Variants in DCLK1 observed in about 807,000 individuals in gnomAD.
DCLK1 encodes the protein serine/threonine-protein kinase DCLK1.
DCLK1 carries 16 observed loss-of-function variants against 86.2 expected under a neutral mutation model. That is an observed-to-expected ratio of 0.19 (90% confidence interval 0.13 to 0.28). The LOEUF (loss-of-function observed/expected upper bound fraction) is 0.28. DCLK1 is among the 10% of genes least tolerant of loss of function. The pLI is 1.00. For missense variants in DCLK1, 590 were observed against 940.2 expected (o/e 0.63, Z 4.87); for synonymous variants, 369 against 370.5 (o/e 1.00, Z 0.05).
chr13:35,808,485 T>TA, intron 13 of DCLK1, 165 bp from the exon 14 acceptor site: 1 of 695,034 alleles, frequency 1.4e-6, no homozygotes, highest in East Asian at 2.7e-5. Context: ...TTTGGTAAAT[T>TA]AAGAAAGAGT....
intron 2 of DCLK1, among the ~76,000 whole-genome samples, chr13:36,114,726 C>A (rs1885722565): frequency 6.6e-6 from 1 of 152,180 alleles, no homozygotes; most frequent in South Asian, 2.1e-4. Flanking sequence ...CGCCTTAATG[C>A]AGTTAAATTA....
At chr13:35,959,979 G>C (rs1201856918) in intron 3 of DCLK1, among the ~76,000 whole-genome samples, 1 of 152,006 alleles carries the variant, frequency 6.6e-6, no homozygotes, top group Non-Finnish European at 1.5e-5. Context: ...GGTTGTGTTA[G>C]TCAACAGATT....
At chr13:35,958,431 A>G (rs1878263956) in intron 3 of DCLK1, among the ~76,000 whole-genome samples, 1 of 141,788 alleles carries the variant, frequency 7.1e-6, no homozygotes, top group Admixed American at 7.2e-5. Context: ...CATCATCACT[A>G]TAACAACACC....
At chr13:35,928,037 A>G (rs1017500491) in intron 4 of DCLK1, among the ~76,000 whole-genome samples, 1 of 152,140 alleles carries the variant, frequency 6.6e-6, no homozygotes, top group Non-Finnish European at 1.5e-5. Flanking sequence ...GGCTAGCCCT[A>G]GTCTGTAGGC....
chr13:35,985,124 G>C (rs914776823), intron 3 of DCLK1, among the ~76,000 whole-genome samples: 9 of 152,156 alleles, frequency 5.9e-5, no homozygotes, highest in Admixed American at 2.6e-4. Context: ...ACAGCAATTA[G>C]GGAAATCTGG....
chr13:35,928,067 C>A (rs1264846125), intron 4 of DCLK1, among the ~76,000 whole-genome samples: 1 of 152,194 alleles, frequency 6.6e-6, no homozygotes, highest in African/African-American at 2.4e-5. Context: ...AAACTGTAAT[C>A]ATAAAGATAG....
chr13:36,114,186 A>C (rs1885703005), intron 2 of DCLK1, among the ~76,000 whole-genome samples: 1 of 152,242 alleles, frequency 6.6e-6, no homozygotes, highest in Non-Finnish European at 1.5e-5. Flanking sequence ...GAGTTTGTTA[A>C]AAGAGAAAAT....
chr13:36,117,208 G>A (rs1302531323), intron 2 of DCLK1, among the ~76,000 whole-genome samples: 1 of 151,908 alleles, frequency 6.6e-6, no homozygotes, highest in Non-Finnish European at 1.5e-5. Context: ...TTGAAAAGTA[G>A]AGACTCTTTT....
At chr13:36,054,016 T>C (rs1883213535) in intron 3 of DCLK1, among the ~76,000 whole-genome samples, 1 of 152,222 alleles carries the variant, frequency 6.6e-6, no homozygotes, top group Non-Finnish European at 1.5e-5. Flanking sequence ...CAATTCTCCA[T>C]GACACTTCTA....
chr13:35,911,323 A>G (rs1313835592), intron 4 of DCLK1, among the ~76,000 whole-genome samples: 1 of 150,944 alleles, frequency 6.6e-6, no homozygotes, highest in East Asian at 1.9e-4. Context: ...GTTAAATTTT[A>G]CCACCAACAA....
intron 4 of DCLK1, among the ~76,000 whole-genome samples, chr13:35,873,926 G>A (rs1273618059): frequency 1.3e-5 from 2 of 152,120 alleles, no homozygotes; most frequent in Admixed American, 1.3e-4. Flanking sequence ...TGGTTTGTAA[G>A]AGTGCATTCT....
At position 35,855,666 on chromosome 13, in the gene DCLK1, A is replaced by T. The variant is rs990998645; in HGVS notation, c.941-1073T>A. On this transcript the variant is annotated intron_variant, in intron 5 of 16. Transcript: ENST00000360631. ...CTGCTCCCAGAGCAGGCTGAATGAG[A>T]TGCAGGATTCATCAGCAGATGCCTT... 3 of 1,418,986 alleles carry T rather than the reference A, an allele frequency of 2.1e-6. No homozygotes were observed. In the African/African-American group the frequency reaches 4.2e-5, roughly 20 times the overall value. 87.9% of individuals were successfully genotyped at this position (1,418,986 alleles called of 1,614,324 possible).
intron 3 of DCLK1, among the ~76,000 whole-genome samples, chr13:35,969,939 C>G (rs1593779352): frequency 1.3e-5 from 2 of 152,116 alleles, no homozygotes; most frequent in South Asian, 4.1e-4. Flanking sequence ...AAGATACTAC[C>G]TGTGATCCAG....
At chr13:35,978,588 C>T (rs1348630994) in intron 3 of DCLK1, among the ~76,000 whole-genome samples, 2 of 152,036 alleles carry the variant, frequency 1.3e-5, no homozygotes, top group African/African-American at 4.8e-5. Context: ...TACTAGATTA[C>T]AATTAAGAGA....
intron 4 of DCLK1, among the ~76,000 whole-genome samples, chr13:35,907,000 A>T (rs1874723304): frequency 6.6e-6 from 1 of 152,114 alleles, no homozygotes; most frequent in Non-Finnish European, 1.5e-5. Context: ...AACCTTAAAA[A>T]CAGTGTCACC....
chr13:35,928,230 G>A (rs949607484), intron 4 of DCLK1, among the ~76,000 whole-genome samples: 1 of 152,096 alleles, frequency 6.6e-6, no homozygotes, highest in Non-Finnish European at 1.5e-5. Flanking sequence ...AGCCTTGGTG[G>A]GGATGGTGCC....
At chr13:35,823,745 C>A (rs1322958888) in intron 10 of DCLK1, among the ~76,000 whole-genome samples, 1 of 152,190 alleles carries the variant, frequency 6.6e-6, no homozygotes, top group Non-Finnish European at 1.5e-5. Context: ...TGCACAGTAA[C>A]CAACTGTGAT....
chr13:35,824,507 G>A (rs1413046518), intron 10 of DCLK1, among the ~76,000 whole-genome samples: 1 of 152,048 alleles, frequency 6.6e-6, no homozygotes, highest in Non-Finnish European at 1.5e-5. Context: ...CAACAATGCA[G>A]TCAACAGGTC....
At chr13:35,907,696 A>G (rs965890609) in intron 4 of DCLK1, among the ~76,000 whole-genome samples, 4 of 152,168 alleles carry the variant, frequency 2.6e-5, no homozygotes, top group Non-Finnish European at 5.9e-5. Context: ...ATTTCTCTGC[A>G]TTACAGTTGG....
Sources: gnomAD v4.1 joint callset for allele counts (sites outside exome capture counted in the v4.1 genomes callset) on GRCh38, gnomAD v4.1.1 for gene constraint, MANE v1.5 for transcripts, NCBI Gene and HGNC (gene_info 2026-07-23, HGNC 2026-07-21) for gene names.